The following PLCB1 variants were observed in gnomAD, a reference collection of about 807,000 sequenced individuals.
The protein encoded by PLCB1 is 1-phosphatidylinositol 4,5-bisphosphate phosphodiesterase beta-1.
PLCB1 carries 46 observed loss-of-function variants against 161.8 expected under a neutral mutation model. The ratio of observed to expected loss-of-function variants is 0.28; its 90% confidence interval spans 0.22 to 0.36. The LOEUF is 0.36. Ranked by LOEUF, PLCB1 falls within the 10% of genes least tolerant of loss-of-function variation. The probability of loss-of-function intolerance (pLI) is 1.00; values close to 1 mark genes in which losing one functional copy is unlikely to be tolerated. For missense variants in PLCB1, 1,016 were observed against 1,472.5 expected, an observed-to-expected ratio of 0.69 and a Z score of 5.07; for synonymous variants, 517 against 503.7, an observed-to-expected ratio of 1.03 and a Z score of -0.35.
intron 2 of PLCB1, among the ~76,000 whole-genome samples, chr20:8,316,515 T>C (rs543218403): frequency 6.6e-6 from 1 of 152,170 alleles, no homozygotes; most frequent in Non-Finnish European, 1.5e-5. Flanking sequence ...TGTTGGTCAG[T>C]CTCAACCCGG....
chr20:8,231,619 T>C (rs1264453107), intron 2 of PLCB1, among the ~76,000 whole-genome samples: 1 of 152,196 alleles, frequency 6.6e-6, no homozygotes, highest in Admixed American at 6.6e-5. Context: ...TTGCATCCTT[T>C]GTTTCTTCTT....
Position 8,739,361 on chromosome 20 carries a change from G to A in PLCB1, c.2308+1G>A. 1 of 1,591,914 alleles carries A rather than the reference G, an allele frequency of 6.3e-7. No individual in the cohort carries two copies. Among genetic ancestry groups the A allele is most frequent in the Non-Finnish European group, 8.6e-7 (1 of 1,159,744 alleles). On this transcript the variant is annotated splice_donor_variant, in intron 21 of 31. Coordinates refer to ENST00000338037, the MANE Select transcript of PLCB1 (RefSeq NM_015192.4). LOFTEE classifies it high-confidence loss of function. ...TTGCCAGTGCAAGCCATTCGGCCAGGTATGGGTAGTGTGCTGAGAAACCTT... is the reference window on the plus strand; with the variant it reads ...TTGCCAGTGCAAGCCATTCGGCCAGATATGGGTAGTGTGCTGAGAAACCTT...
At chr20:8,289,791 C>T (rs1295027011) in intron 2 of PLCB1, among the ~76,000 whole-genome samples, 2 of 152,160 alleles carry the variant, frequency 1.3e-5, no homozygotes, top group Admixed American at 1.3e-4. Context: ...GAGACTGTTC[C>T]ACTGTCAGTT....
At chr20:8,536,852 C>T (rs1314331599) in intron 3 of PLCB1, among the ~76,000 whole-genome samples, 1 of 152,150 alleles carries the variant, frequency 6.6e-6, no homozygotes, top group East Asian at 1.9e-4. Flanking sequence ...GAATATCATA[C>T]AGTGCGGCAA....
At chr20:8,225,493 G>T (rs1233322344) in intron 2 of PLCB1, among the ~76,000 whole-genome samples, 1 of 152,134 alleles carries the variant, frequency 6.6e-6, no homozygotes, top group East Asian at 1.9e-4. Flanking sequence ...TAGAATATTA[G>T]AATTCGAGAT....
At chr20:8,274,093 A>G (rs1451936083) in intron 2 of PLCB1, among the ~76,000 whole-genome samples, 1 of 152,200 alleles carries the variant, frequency 6.6e-6, no homozygotes, top group Non-Finnish European at 1.5e-5. Flanking sequence ...CTCATTTTAA[A>G]TCATGAATAA....
intron 27 of PLCB1, among the ~76,000 whole-genome samples, chr20:8,782,437 G>T (rs188252245): frequency 6.6e-6 from 1 of 152,138 alleles, no homozygotes; most frequent in Non-Finnish European, 1.5e-5. Flanking sequence ...TTGTTGCCCA[G>T]GCTGGAGGGC....
chr20:8,870,257 G>A (rs1322834992), intron 31 of PLCB1, among the ~76,000 whole-genome samples: 1 of 152,012 alleles, frequency 6.6e-6, no homozygotes. Flanking sequence ...AACTTCTCTG[G>A]GCCACAGATT....
At chr20:8,589,610 CT>C (rs71183102) in intron 3 of PLCB1, among the ~76,000 whole-genome samples, 2,736 of 80,138 alleles carry the variant, frequency 0.034, 52 homozygotes, top group African/African-American at 0.1. Flanking sequence ...CAATCTCTCT[CT>C]TTTTTTTTTT....
chr20:8,643,361 C>T (rs764041266), intron 4 of PLCB1, among the ~76,000 whole-genome samples: 6 of 152,166 alleles, frequency 3.9e-5, no homozygotes, highest in Non-Finnish European at 4.4e-5. Flanking sequence ...CAACCCCCTC[C>T]CTCTTTTCTA....
At chr20:8,393,610 G>A (rs1267065157) in intron 3 of PLCB1, among the ~76,000 whole-genome samples, 1 of 152,160 alleles carries the variant, frequency 6.6e-6, no homozygotes, top group Non-Finnish European at 1.5e-5. Flanking sequence ...AACTGTGATT[G>A]CACCACTGCA....
chr20:8,342,394 C>T (rs2122227240), intron 2 of PLCB1, among the ~76,000 whole-genome samples: 1 of 152,308 alleles, frequency 6.6e-6, no homozygotes, highest in East Asian at 1.9e-4. Flanking sequence ...GGAAGATGCA[C>T]TGGTCTATAT....
chr20:8,693,416 C>A (rs1990522742), intron 10 of PLCB1, among the ~76,000 whole-genome samples: 1 of 152,132 alleles, frequency 6.6e-6, no homozygotes, highest in African/African-American at 2.4e-5. Context: ...GAAATCAGAT[C>A]AAACAGATGC....
intron 2 of PLCB1, among the ~76,000 whole-genome samples, chr20:8,354,712 A>G (rs1986304191): frequency 6.6e-6 from 1 of 152,216 alleles, no homozygotes; most frequent in Non-Finnish European, 1.5e-5. Flanking sequence ...ACTGGCATTT[A>G]GAAGCCAGGC....
intron 23 of PLCB1, among the ~76,000 whole-genome samples, chr20:8,749,365 C>G (rs1187510698): frequency 6.6e-6 from 1 of 152,184 alleles, no homozygotes; most frequent in Non-Finnish European, 1.5e-5. Flanking sequence ...TCTAAAATGA[C>G]AGCTTAATCA....
chr20:8,820,456 C>T, intron 31 of PLCB1, among the ~76,000 whole-genome samples: 1 of 151,984 alleles, frequency 6.6e-6, no homozygotes, highest in East Asian at 1.9e-4. Flanking sequence ...TTCAGACAGG[C>T]AAATTTTTTA....
At chr20:8,392,807 A>G (rs1348881469) in intron 3 of PLCB1, among the ~76,000 whole-genome samples, 1 of 152,214 alleles carries the variant, frequency 6.6e-6, no homozygotes, top group Admixed American at 6.5e-5. Context: ...TCAATGTACC[A>G]TAAAAAAGTG....
intron 2 of PLCB1, among the ~76,000 whole-genome samples, chr20:8,235,044 C>T (rs2123191951): frequency 6.6e-6 from 1 of 152,210 alleles, no homozygotes; most frequent in Middle Eastern, 3.4e-3. Flanking sequence ...AAGATAACAA[C>T]AGAGCACCAT....
intron 12 of PLCB1, 42 bp from the exon 13 acceptor site, chr20:8,716,222 A>G: frequency 2.1e-6 from 3 of 1,443,280 alleles, no homozygotes; most frequent in Non-Finnish European, 2.9e-6. Flanking sequence ...TTCTTTGGAT[A>G]AGCCTCCCTA....
Sources: gnomAD v4.1 joint callset for allele counts (sites outside exome capture counted in the v4.1 genomes callset) on GRCh38, gnomAD v4.1.1 for gene constraint, MANE v1.5 for transcripts, NCBI Gene and HGNC (gene_info 2026-07-23, HGNC 2026-07-21) for gene names.